Variants in INPP4B observed in about 807,000 individuals in gnomAD.
INPP4B encodes inositol polyphosphate-4-phosphatase type II B.
Under a neutral mutation model 122.5 loss-of-function variants are expected in INPP4B, and 55 were observed. That is an observed-to-expected ratio of 0.45 (90% CI 0.36 to 0.56). The LOEUF is 0.56. Ranked by LOEUF, INPP4B falls within the 20% of genes least tolerant of loss-of-function variation. INPP4B has a pLI of 0.00. For missense variants in INPP4B, 1,000 were observed against 1,097.7 expected, an observed-to-expected ratio of 0.91 and a Z score of 1.26; for synonymous variants, 403 against 388.7, an observed-to-expected ratio of 1.04 and a Z score of -0.43.
chr4:142,285,091 T>C (rs1408348634), intron 9 of INPP4B, among the ~76,000 whole-genome samples: 1 of 151,812 alleles, frequency 6.6e-6, no homozygotes, highest in African/African-American at 2.4e-5. Context: ...AAAGAGCAAC[T>C]GGAGGGAGTG....
At chr4:142,172,618 G>T (rs1048879572) in intron 16 of INPP4B, among the ~76,000 whole-genome samples, 1 of 151,536 alleles carries the variant, frequency 6.6e-6, no homozygotes, top group Non-Finnish European at 1.5e-5. Flanking sequence ...ATGAAAATAG[G>T]TATGTTTTCT....
intron 2 of INPP4B, among the ~76,000 whole-genome samples, chr4:142,573,427 T>A (rs995222768): frequency 6.6e-6 from 1 of 152,096 alleles, no homozygotes; most frequent in African/African-American, 2.4e-5. Flanking sequence ...CATAAAATAG[T>A]ACAGCAGGAA....
chr4:142,522,396 G>C (rs1826210148), intron 2 of INPP4B, among the ~76,000 whole-genome samples: 1 of 139,812 alleles, frequency 7.2e-6, no homozygotes, highest in Non-Finnish European at 1.5e-5. Context: ...GAGTGAAGTG[G>C]TTATTCACAG....
chr4:142,400,713 A>G (rs1476154857), intron 7 of INPP4B, among the ~76,000 whole-genome samples: 1 of 152,186 alleles, frequency 6.6e-6, no homozygotes, highest in East Asian at 1.9e-4. Flanking sequence ...GTCTTACTTC[A>G]CAGTAGGGGT....
At chr4:142,840,104 A>G (rs906929967) in intron 1 of INPP4B, among the ~76,000 whole-genome samples, 88 of 152,190 alleles carry the variant, frequency 5.8e-4, no homozygotes, top group African/African-American at 2.1e-3. Flanking sequence ...ATTGTAAAAC[A>G]AGTTTCAGCT....
chr4:142,234,977 T>A lies in INPP4B; in HGVS notation c.836+2887A>T, dbSNP rs10003428. ...TGATGTGTTCAAATAACAACAATAG[T>A]AATGACAGTGGCTATGCCTACAAAA... On this transcript the variant is annotated intron_variant, in intron 12 of 25. Coordinates refer to ENST00000262992, the MANE Select transcript of INPP4B (RefSeq NM_001101669.3). Among the ~76,000 whole-genome samples the A allele has an allele frequency of 2.0e-5, 3 of 152,214 alleles. No individual in the cohort carries two copies. In the South Asian group the frequency reaches 6.2e-4, roughly 32 times the overall value.
chr4:142,240,964 C>A (rs932967645), intron 11 of INPP4B, among the ~76,000 whole-genome samples: 1 of 151,926 alleles, frequency 6.6e-6, no homozygotes, highest in African/African-American at 2.4e-5. Flanking sequence ...GAATATTGAA[C>A]AATGTGCCAC....
At chr4:142,400,828 A>G (rs1801337853) in intron 7 of INPP4B, among the ~76,000 whole-genome samples, 1 of 152,210 alleles carries the variant, frequency 6.6e-6, no homozygotes, top group Non-Finnish European at 1.5e-5. Flanking sequence ...AACAAAAAGC[A>G]TAATTAATGA....
At chr4:142,513,215 C>A (rs751839130) in intron 2 of INPP4B, among the ~76,000 whole-genome samples, 1 of 152,142 alleles carries the variant, frequency 6.6e-6, no homozygotes, top group Non-Finnish European at 1.5e-5. Context: ...AGTGTCTTAG[C>A]CCATTCAGGC....
chr4:142,374,611 CATCAAA>C (rs1791156454), intron 7 of INPP4B, among the ~76,000 whole-genome samples: 1 of 151,786 alleles, frequency 6.6e-6, no homozygotes, highest in Admixed American at 6.6e-5. Flanking sequence ...TTGTCAAGCT[CATCAAA>C]ATCATCTTTT....
At chr4:142,235,613 G>A (rs1330658613) in intron 12 of INPP4B, among the ~76,000 whole-genome samples, 2 of 152,022 alleles carry the variant, frequency 1.3e-5, no homozygotes, top group African/African-American at 4.8e-5. Context: ...TTTTAGTAGA[G>A]ATGAAGTTTC....
intron 9 of INPP4B, among the ~76,000 whole-genome samples, chr4:142,274,531 T>C (rs1249093825): frequency 6.6e-6 from 1 of 151,848 alleles, no homozygotes; most frequent in African/African-American, 2.4e-5. Flanking sequence ...AAACCAAATG[T>C]ATGACAAATC....
At chr4:142,405,132 AGAGAGAGCAAGAGC>A (rs1802974215) in intron 6 of INPP4B, 60 bp downstream of exon 6, 6 of 803,176 alleles carry the variant, frequency 7.5e-6, no homozygotes, top group Non-Finnish European at 1.3e-5. Flanking sequence ...GGGGAGGGAG[AGAGAGAGCAAGAGC>A]GAGCGAGCCA....
intron 2 of INPP4B, among the ~76,000 whole-genome samples, chr4:142,709,016 T>C (rs968095841): frequency 6.6e-6 from 1 of 152,098 alleles, no homozygotes; most frequent in Non-Finnish European, 1.5e-5. Context: ...TGGGAGCCCA[T>C]CCCTTGCATC....
At chr4:142,760,245 T>A (rs913257858) in intron 1 of INPP4B, among the ~76,000 whole-genome samples, 1 of 152,152 alleles carries the variant, frequency 6.6e-6, no homozygotes, top group African/African-American at 2.4e-5. Context: ...ATGCTATTCT[T>A]ATGCCATCAT....
chr4:142,706,399 T>C (rs763532505), intron 2 of INPP4B, among the ~76,000 whole-genome samples: 28 of 152,204 alleles, frequency 1.8e-4, no homozygotes, highest in Admixed American at 9.2e-4. Context: ...AGAAACTATA[T>C]CAATCAATCA....
At chr4:142,548,739 A>G (rs920862377) in intron 2 of INPP4B, among the ~76,000 whole-genome samples, 5 of 143,836 alleles carry the variant, frequency 3.5e-5, no homozygotes, top group Non-Finnish European at 7.5e-5. Context: ...TATAGTGCAT[A>G]CAGATGTGTC....
At chr4:142,255,041 G>T (rs1409488733) in intron 11 of INPP4B, among the ~76,000 whole-genome samples, 2 of 152,008 alleles carry the variant, frequency 1.3e-5, no homozygotes, top group Non-Finnish European at 2.9e-5. Context: ...GAGAGTGGGG[G>T]CCAATATTCA....
chr4:142,306,546 C>CT (rs1169178507), intron 8 of INPP4B, among the ~76,000 whole-genome samples: 1 of 152,178 alleles, frequency 6.6e-6, no homozygotes, highest in Non-Finnish European at 1.5e-5. Context: ...GTAATGGCAT[C>CT]TTTTTCGAGG....
Sources: allele counts gnomAD v4.1 joint callset (sites outside exome capture counted in the v4.1 genomes callset), GRCh38; gene constraint gnomAD v4.1.1; transcripts MANE v1.5; gene names NCBI Gene and HGNC (gene_info 2026-07-23, HGNC 2026-07-21).